Variants in SNTG1 observed in about 807,000 individuals in gnomAD.
The protein encoded by SNTG1 is syntrophin gamma 1.
A neutral mutation model predicts 74.7 loss-of-function variants in SNTG1; 39 were observed. The observed-to-expected ratio is 0.52, with a 90% CI of 0.40 to 0.68. The LOEUF (loss-of-function observed/expected upper bound fraction) is 0.68. Ranked by LOEUF, SNTG1 falls within the 30% of genes least tolerant of loss-of-function variation. The pLI is 0.00. For missense variants in SNTG1, 685 were observed against 609.5 expected (o/e 1.12, Z -1.30); for synonymous variants, 254 against 217.1 (o/e 1.17, Z -1.49).
intron 1 of SNTG1, among the ~76,000 whole-genome samples, chr8:50,103,299 G>A (rs1463983554): frequency 6.6e-6 from 1 of 152,110 alleles, no homozygotes; most frequent in African/African-American, 2.4e-5. Context: ...TGGATTCTTA[G>A]GTATTTTATT....
At chr8:50,011,234 C>T (rs1038664447) in intron 1 of SNTG1, among the ~76,000 whole-genome samples, 9 of 152,120 alleles carry the variant, frequency 5.9e-5, no homozygotes, top group African/African-American at 2.2e-4. Context: ...CTCTTACTAG[C>T]TTCTAACCTT....
At chr8:50,792,552 C>A in intron 18 of SNTG1, 119 bp from the exon 19 acceptor site, 1 of 1,040,400 alleles carries the variant, frequency 9.6e-7, no homozygotes, top group Non-Finnish European at 1.4e-6. Flanking sequence ...TTAGTTTCCA[C>A]ATGTTACATA....
At chr8:50,735,205 T>C (rs576964302) in intron 17 of SNTG1, among the ~76,000 whole-genome samples, 3 of 151,760 alleles carry the variant, frequency 2.0e-5, no homozygotes, top group African/African-American at 7.2e-5. Flanking sequence ...CACAAGAGGC[T>C]AACATTGGAT....
chr8:50,440,963 G>A (rs1348620648), intron 5 of SNTG1, among the ~76,000 whole-genome samples: 1 of 152,182 alleles, frequency 6.6e-6, no homozygotes, highest in East Asian at 1.9e-4. Flanking sequence ...TCAGTCAAAT[G>A]CTCTAACATG....
chr8:49,976,989 G>A (rs1386918274), intron 1 of SNTG1, among the ~76,000 whole-genome samples: 1 of 152,146 alleles, frequency 6.6e-6, no homozygotes, highest in Non-Finnish European at 1.5e-5. Context: ...GCAGCAGGAA[G>A]TGCTTGTGAG....
intron 18 of SNTG1, among the ~76,000 whole-genome samples, chr8:50,779,516 G>A (rs1262854975): frequency 1.3e-5 from 2 of 152,094 alleles, no homozygotes; most frequent in African/African-American, 2.4e-5. Flanking sequence ...TCTTTTATTG[G>A]TGTATAAGAA....
chr8:50,242,513 G>A (rs1352327984), intron 2 of SNTG1, among the ~76,000 whole-genome samples: 3 of 125,242 alleles, frequency 2.4e-5, no homozygotes, highest in Admixed American at 9.4e-5. Flanking sequence ...GGGTGAAAGA[G>A]TGAGAATCCA....
At chr8:50,354,685 C>G (rs930870111) in intron 2 of SNTG1, among the ~76,000 whole-genome samples, 2 of 152,056 alleles carry the variant, frequency 1.3e-5, no homozygotes, top group African/African-American at 4.8e-5. Flanking sequence ...TGTAAGGAGT[C>G]CAAGCACAGC....
intron 10 of SNTG1, among the ~76,000 whole-genome samples, chr8:50,533,910 A>G (rs901413793): frequency 6.6e-6 from 1 of 152,168 alleles, no homozygotes; most frequent in Non-Finnish European, 1.5e-5. Flanking sequence ...GTACTCATGT[A>G]TTGGTGATTA....
At chr8:50,741,184 G>T (rs188200376) in intron 17 of SNTG1, among the ~76,000 whole-genome samples, 76 of 152,110 alleles carry the variant, frequency 5.0e-4, no homozygotes, top group Non-Finnish European at 8.8e-4. Context: ...GAGTACAGTG[G>T]TGCAATCTCA....
rs558842100 is a variant in SNTG1, at chr8:49,964,247, A to G, written c.-103+52016A>G. ...CTAATCAGTTGAAGACCTTGGAAGGATAAGACTGGCTCCCCACAAGGAGGA... is the reference window on the plus strand; with the variant it reads ...CTAATCAGTTGAAGACCTTGGAAGGGTAAGACTGGCTCCCCACAAGGAGGA... On this transcript the variant is annotated intron_variant, in intron 1 of 18. Transcript: ENST00000642720. Among the ~76,000 whole-genome samples the G allele has an allele frequency of 1.2e-3, 182 of 152,370 alleles. 1 individual carries two copies. The highest frequency in any genetic ancestry group is 6.4e-3 in the South Asian group (31 of 4,830).
intron 13 of SNTG1, among the ~76,000 whole-genome samples, chr8:50,617,382 AC>A (rs2094891922): frequency 1.9e-5 from 2 of 106,326 alleles, no homozygotes; most frequent in Non-Finnish European, 3.4e-5. Context: ...AGCATTTCAC[AC>A]ACACACACAC....
intron 2 of SNTG1, among the ~76,000 whole-genome samples, chr8:50,367,549 T>G (rs1173234885): frequency 6.6e-6 from 1 of 152,184 alleles, no homozygotes; most frequent in East Asian, 1.9e-4. Flanking sequence ...TTTTTGATAA[T>G]GACTCAGTTG....
intron 1 of SNTG1, among the ~76,000 whole-genome samples, chr8:50,126,642 T>A (rs1348091674): frequency 1.3e-5 from 2 of 151,868 alleles, no homozygotes; most frequent in African/African-American, 2.4e-5. Context: ...ATGTTTCATA[T>A]ATTATATATT....
At chr8:50,372,986 G>C (rs2092301704) in intron 2 of SNTG1, among the ~76,000 whole-genome samples, 1 of 152,042 alleles carries the variant, frequency 6.6e-6, no homozygotes, top group African/African-American at 2.4e-5. Flanking sequence ...CTCTCCATCT[G>C]TCCAAGCAGT....
chr8:50,007,261 A>T (rs925115063), intron 1 of SNTG1, among the ~76,000 whole-genome samples: 1 of 152,054 alleles, frequency 6.6e-6, no homozygotes, highest in Non-Finnish European at 1.5e-5. Flanking sequence ...GGATAATATG[A>T]CATCCTACTT....
intron 1 of SNTG1, among the ~76,000 whole-genome samples, chr8:50,167,530 C>G (rs1276960493): frequency 6.6e-6 from 1 of 151,492 alleles, no homozygotes; most frequent in African/African-American, 2.4e-5. Flanking sequence ...AGTGCGGTAG[C>G]TCATGCCTAT....
chr8:50,243,036 CAAAAT>C (rs2086235569), intron 2 of SNTG1, among the ~76,000 whole-genome samples: 1 of 151,830 alleles, frequency 6.6e-6, no homozygotes, highest in Non-Finnish European at 1.5e-5. Flanking sequence ...AATATTGACA[CAAAAT>C]AAATAAATTT....
chr8:50,254,923 G>A lies in SNTG1; in HGVS notation c.-28+82288G>A, dbSNP rs757724003. 4.7e-5 allele frequency among the ~76,000 whole-genome samples: 7 copies of A among 149,356 alleles called. No homozygotes were observed. The South Asian group carries it at 1.3e-3, about 27-fold the overall frequency. On this transcript the variant is annotated intron_variant, in intron 2 of 18. Coordinates refer to ENST00000642720, the MANE Select transcript of SNTG1 (RefSeq NM_018967.5). ...CTTGCGCAAGACTTCTGCTGCTGGA[G>A]GCTTGATAATCTCTTTTATTGCCAC...
Sources: allele counts gnomAD v4.1 joint callset (sites outside exome capture counted in the v4.1 genomes callset), GRCh38; gene constraint gnomAD v4.1.1; transcripts MANE v1.5; gene names NCBI Gene and HGNC (gene_info 2026-07-23, HGNC 2026-07-21).